Variants in ATP5F1A observed in about 807,000 individuals in gnomAD.
ATP5F1A encodes the protein ATP synthase F1 subunit alpha, also known as ATP synthase F(1) complex subunit alpha, mitochondrial.
Under a neutral mutation model 57.4 loss-of-function variants are expected in ATP5F1A, and 24 were observed. The observed-to-expected ratio is 0.42, with a 90% confidence interval of 0.30 to 0.59. The LOEUF is 0.59. Ranked by LOEUF, ATP5F1A falls within the 20% of genes least tolerant of loss-of-function variation. The pLI is 0.19. For missense variants in ATP5F1A, 494 were observed against 707.9 expected (o/e 0.70, Z 3.43); for synonymous variants, 251 against 255.5 (o/e 0.98, Z 0.17).
Position 46,097,804 on chromosome 18 carries a change from C to G in ATP5F1A, c.60+368G>C, listed in dbSNP as rs1313621168. 7.5e-6 allele frequency: 8 copies of G among 1,067,796 alleles called. No individual in the cohort carries two copies. The East Asian group carries it at 4.3e-4, about 58-fold the overall frequency. 66.1% of individuals were successfully genotyped at this position (1,067,796 alleles called of 1,614,324 possible). ...CAGTTTTCTGACCTTCAGCGGGACG[C>G]GACCCTAAGAATCGAAAGAGAGGAA... is the stretch of plus-strand genomic sequence containing the variant. On this transcript the variant is annotated intron_variant, in intron 1 of 11. Coordinates refer to ENST00000398752, the MANE Select transcript of ATP5F1A (RefSeq NM_004046.6).
Position 46,086,182 on chromosome 18 carries a change from C to T in ATP5F1A, c.1360G>A (p.Asp454Asn). 1 of 1,612,478 alleles carries T rather than the reference C, an allele frequency of 6.2e-7. No individual in the cohort carries two copies. The highest frequency in any genetic ancestry group is 8.5e-7 in the Non-Finnish European group (1 of 1,180,012). Residue 454 changes from aspartate to asparagine, a missense_variant, in exon 10 of 12, where the codon GAT (aspartate) becomes AAT (asparagine). By Grantham distance (23) the Asp-to-Asn change is conservative. Around this residue, in one of 6 missense-constraint regions of ATP5F1A, gnomAD observed 127 missense variants for 195.2 expected, o/e 0.65. Transcript: ENST00000398752. ...AAFAQFGSDL[D>N]AATQQLLSRG... ...CTCAAAAGTTGTTGAGTGGCAGCAT[C>T]GAGGTCAGAACCGAACTGGGCAAAA...
chr18:46,090,886 C>T (rs1910506545), intron 3 of ATP5F1A, among the ~76,000 whole-genome samples: 1 of 152,198 alleles, frequency 6.6e-6, no homozygotes, highest in Non-Finnish European at 1.5e-5. Flanking sequence ...TACTACTGGA[C>T]AGTACTGTTC....
intron 5 of ATP5F1A, 158 bp from the exon 6 acceptor site, chr18:46,088,415 G>A: frequency 1.6e-6 from 1 of 628,402 alleles, no homozygotes; most frequent in East Asian, 3.1e-5. Context: ...CTTCTGCCTT[G>A]AGATGCTGTT....
In ATP5F1A at chr18:46,091,690, C is replaced by T. The variant is rs781353014; in HGVS notation, c.301G>A (p.Gly101Ser). 1.9e-6 allele frequency: 3 copies of T among 1,597,854 alleles called. No individual in the cohort carries two copies. The highest frequency in any genetic ancestry group is 1.4e-5 in the African/African-American group (1 of 74,068). Reference sequence around the variant, plus strand: ...CTTATTTTATAATTTACCTTTAAGCCTGAAGAAAACTCTACCATTTCTTCT... The same window carrying T: ...CTTATTTTATAATTTACCTTTAAGCTTGAAGAAAACTCTACCATTTCTTCT... ...QAEEMVEFSSGLKGMSLNLEP... is the reference protein window; with the variant it reads ...QAEEMVEFSSSLKGMSLNLEP... The change falls in exon 3 of 12, where the codon GGC (glycine) becomes AGC (serine). Residue 101 changes from glycine to serine, a missense_variant. Physicochemically the swap from Gly to Ser is moderately conservative, Grantham distance 56. Transcript: ENST00000398752.
At chr18:46,088,307 C>T (rs1910274997) in intron 5 of ATP5F1A, 50 bp from the exon 6 acceptor site, 1 of 1,472,238 alleles carries the variant, frequency 6.8e-7, no homozygotes, top group South Asian at 1.4e-5. Flanking sequence ...AAAAGGACTT[C>T]CCTGTGGGGG....
chr18:46,086,898 T>TA, intron 8 of ATP5F1A, 110 bp downstream of exon 8: 3 of 1,241,186 alleles, frequency 2.4e-6, no homozygotes, highest in Non-Finnish European at 3.3e-6. Context: ...TTTTCCATAA[T>TA]AAAAAGTAAA....
In ATP5F1A at chr18:46,098,234, T is replaced by C. The variant is rs1218680466; in HGVS notation, c.-3A>G. 6.2e-7 allele frequency: 1 copy of C among 1,605,604 alleles called. No individual in the cohort carries two copies. The highest frequency in any genetic ancestry group is 8.5e-7 in the Non-Finnish European group (1 of 1,178,720). The stretch of plus-strand genomic sequence containing the variant: ...GCAGCAACGCGCACGGACAGCATCT[T>C]TGCAGTTACTCCGCAGGCGGTACTT... On this transcript the variant is annotated 5_prime_UTR_variant, in exon 1 of 12. Coordinates refer to ENST00000398752, the MANE Select transcript of ATP5F1A (RefSeq NM_004046.6).
chr18:46,087,740 C>T (rs1299815151), intron 6 of ATP5F1A: 4 of 468,878 alleles, frequency 8.5e-6, no homozygotes, highest in South Asian at 5.2e-5. Flanking sequence ...ATTAGCCGGA[C>T]GTGGTGGCAT....
At chr18:46,088,285 C>G in intron 5 of ATP5F1A, 28 bp from the exon 6 acceptor site, 2 of 1,544,336 alleles carry the variant, frequency 1.3e-6, no homozygotes, top group Non-Finnish European at 1.7e-6. Flanking sequence ...AAATATAAAT[C>G]TTCCTAAACT....
intron 5 of ATP5F1A, 118 bp from the exon 6 acceptor site, chr18:46,088,375 A>C (rs1910282548): frequency 1.0e-6 from 1 of 986,150 alleles, no homozygotes; most frequent in Non-Finnish European, 1.5e-6. Context: ...GACATAAGAA[A>C]CTCCATTTTG....
chr18:46,089,559 T>A lies in ATP5F1A; in HGVS notation c.650+7A>T. 6.2e-7 allele frequency: 1 copy of A among 1,612,938 alleles called. No homozygotes were observed. The highest frequency in any genetic ancestry group is 8.5e-7 in the Non-Finnish European group (1 of 1,179,644). On this transcript the variant is annotated splice_region_variant and intron_variant, in intron 5 of 11. Coordinates refer to ENST00000398752, the MANE Select transcript of ATP5F1A (RefSeq NM_004046.6). Reference sequence around the variant, plus strand: ...TTAGAACTTTTAATATGCTTTTGAGTCTTTACCCAGTCTGTCGGTCACCAA... The same window carrying A: ...TTAGAACTTTTAATATGCTTTTGAGACTTTACCCAGTCTGTCGGTCACCAA...
chr18:46,089,282 A>C (rs1910366253), intron 5 of ATP5F1A: 1 of 368,666 alleles, frequency 2.7e-6, no homozygotes, highest in South Asian at 4.0e-5. Context: ...ACAGGTGTGG[A>C]GGGGCTGGCC....
chr18:46,100,676 AG>A (rs1255687616), upstream of ATP5F1A, among the ~76,000 whole-genome samples: 2 of 152,364 alleles, frequency 1.3e-5, no homozygotes, highest in East Asian at 3.9e-4. Flanking sequence ...GTCACTAGTA[AG>A]GTTTTGGGGA....
At position 46,089,918 on chromosome 18, in the gene ATP5F1A, T is replaced by C. The variant is rs1238630592; in HGVS notation, c.388A>G (p.Ile130Val). 1.2e-6 allele frequency: 2 copies of C among 1,613,828 alleles called. No individual in the cohort carries two copies. Among genetic ancestry groups the C allele is most frequent in the Non-Finnish European group, 1.7e-6 (2 of 1,179,936 alleles). Residue 130 changes from isoleucine to valine, a missense_variant, in exon 4 of 12, where the codon ATA becomes GTA. Ile to Val is a conservative substitution (Grantham distance 29). This residue lies in a region of ATP5F1A where 191 missense variants were observed against 267.7 expected (regional missense o/e 0.71). Transcript: ENST00000398752. ...ACAATGGCTCCTGTCCTCTTCACTA[T>C]ATCTCCTTCCTTAATTAGTTTATCA... ...GNDKLIKEGD[I>V]VKRTGAIVDV...
At chr18:46,099,703 TTCC>T (rs1457037411), upstream of ATP5F1A, among the ~76,000 whole-genome samples, 3 of 152,054 alleles carry the variant, frequency 2.0e-5, no homozygotes, top group Non-Finnish European at 4.4e-5. Context: ...CAAGTGATCC[TTCC>T]TCCTCAGCCT....
At chr18:46,103,750 C>T (rs1336384956) in intron 1 of ATP5F1A, among the ~76,000 whole-genome samples, 1 of 151,746 alleles carries the variant, frequency 6.6e-6, no homozygotes, top group Non-Finnish European at 1.5e-5. Context: ...CCCGTCTCTA[C>T]TAAAAACACA....
chr18:46,083,996 C>CA lies in ATP5F1A; in HGVS notation c.*285dup, dbSNP rs56849873. 4.0e-3 allele frequency: 676 copies of CA among 168,678 alleles called. No homozygotes were observed. Among genetic ancestry groups the CA allele is most frequent in the East Asian group, 0.011 (78 of 6,934 alleles). The allele number at this position is 168,678 out of a possible 1,614,324, so 10.4% of individuals were successfully genotyped here. A position where few individuals can be genotyped will look rare whatever the true frequency, so the allele number is the denominator to read the frequency against. On this transcript the variant is annotated 3_prime_UTR_variant, in exon 12 of 12. Transcript: ENST00000398752. ...TGAGAATCAGTCTCAAAAAAAAAAA[C>CA]AAAAAAAAAACTTACAAAGAGCTCA...
At chr18:46,087,954 C>T in intron 6 of ATP5F1A, 155 bp downstream of exon 6, 1 of 737,420 alleles carries the variant, frequency 1.4e-6, no homozygotes, top group Non-Finnish European at 2.2e-6. Flanking sequence ...TTTAAATGTA[C>T]TACTGTTTTA....
rs762963484 is a variant in ATP5F1A at position 46,088,202 on chromosome 18, A to C, written c.706T>G (p.Ser236Ala). The C allele has an allele frequency of 3.1e-6, 5 of 1,602,084 alleles. No homozygotes were observed. Among genetic ancestry groups the C allele is most frequent in the Non-Finnish European group, 4.2e-6 (5 of 1,177,626 alleles). Residue 236 changes from serine (S) to alanine (A), a missense_variant, in exon 6 of 12, where the codon TCT (serine) becomes GCT (alanine). Transcript: ENST00000398752. Reference sequence around the variant, plus strand: ...CAGTACAGCTTCTTCTTTTCATCAGATCCATCATTGAAACGTTTCTGGTTA... The same window carrying C: ...CAGTACAGCTTCTTCTTTTCATCAGCTCCATCATTGAAACGTTTCTGGTTA... ...IINQKRFNDG[S>A]DEKKKLYCIY... is the part of the protein sequence containing the mutation.
Sources: gnomAD v4.1 joint callset for allele counts (sites outside exome capture counted in the v4.1 genomes callset) on GRCh38, gnomAD v4.1.1 for gene constraint, gnomAD v4.1.1 regional missense constraint, MANE v1.5 for transcripts, NCBI Gene and HGNC (gene_info 2026-07-23, HGNC 2026-07-21) for gene names.